STK3: variants seen among roughly 807,000 people sequenced by gnomAD.
STK3 encodes the protein serine/threonine kinase 3.
Under a neutral mutation model 58.0 loss-of-function variants are expected in STK3, and 41 were observed. The ratio of observed to expected loss-of-function variants is 0.71; its 90% CI spans 0.55 to 0.92. STK3 has a LOEUF of 0.92. Among genes scored for constraint, STK3 ranks in the 40% least tolerant of loss-of-function variants. STK3 has a pLI of 0.00. For synonymous variants in STK3, 170 were observed against 191.0 expected, an observed-to-expected ratio of 0.89 and a Z score of 0.91; for missense variants, 479 against 602.7, an observed-to-expected ratio of 0.79 and a Z score of 2.15.
Position 98,596,253 on chromosome 8 carries a change from C to T in STK3, c.685-84G>A, listed in dbSNP as rs146713666. On this transcript the variant is annotated intron_variant, in intron 6 of 10. Coordinates refer to ENST00000419617, the MANE Select transcript of STK3 (RefSeq NM_006281.4). ...CAAATCTCTTTATCTGTCTTTTTAT[C>T]AGACTCTAAATTTGAAAAACAAATT... The T allele has an allele frequency of 6.7e-4, 971 of 1,444,246 alleles. 5 individuals carry two copies. In the African/African-American group the frequency reaches 0.012, roughly 19 times the overall value. 89.5% of individuals were successfully genotyped at this position (1,444,246 alleles called of 1,614,324 possible).
At chr8:98,544,649 AACACACACACACACACAC>A (rs59159370) in intron 9 of STK3, among the ~76,000 whole-genome samples, 21 of 137,600 alleles carry the variant, frequency 1.5e-4, no homozygotes, top group South Asian at 1.0e-3. Context: ...ATTCTACTAT[AACACACACACACACACAC>A]ACACACACAC....
chr8:98,499,120 C>CT (rs1823376849), intron 10 of STK3, among the ~76,000 whole-genome samples: 1 of 152,076 alleles, frequency 6.6e-6, no homozygotes, highest in African/African-American at 2.4e-5. Context: ...AAAGATGCTA[C>CT]ACTGCTGGCT....
intron 10 of STK3, among the ~76,000 whole-genome samples, chr8:98,505,384 T>G (rs1479480651): frequency 2.0e-5 from 3 of 152,222 alleles, no homozygotes; most frequent in Non-Finnish European, 4.4e-5. Context: ...TTCTGAAGCC[T>G]ACTTCTGTCA....
At chr8:98,656,815 T>C (rs1000407253) in intron 6 of STK3, among the ~76,000 whole-genome samples, 9 of 152,140 alleles carry the variant, frequency 5.9e-5, no homozygotes, top group African/African-American at 2.2e-4. Context: ...TTCTGATTCA[T>C]TTGCTGTTTG....
At chr8:98,874,806 T>A (rs1400295755) in intron 3 of STK3, among the ~76,000 whole-genome samples, 1 of 151,274 alleles carries the variant, frequency 6.6e-6, no homozygotes, top group Non-Finnish European at 1.5e-5. Context: ...TTTTTTTTTT[T>A]AAAGATGGGG....
chr8:98,541,998 T>C (rs1810313320), intron 9 of STK3, among the ~76,000 whole-genome samples: 1 of 152,200 alleles, frequency 6.6e-6, no homozygotes, highest in South Asian at 2.1e-4. Flanking sequence ...GTCTATATAC[T>C]GGTTTCATCA....
chr8:98,569,181 CCAATCAAT>C (rs145488141), intron 8 of STK3, among the ~76,000 whole-genome samples: 1 of 151,496 alleles, frequency 6.6e-6, no homozygotes, highest in African/African-American at 2.4e-5. Context: ...AATTTTACAC[CCAATCAAT>C]CAATCAATCA....
At chr8:98,436,137 A>G (rs975804551) in intron 2 of STK3, among the ~76,000 whole-genome samples, 38 of 151,018 alleles carry the variant, frequency 2.5e-4, no homozygotes, top group Admixed American at 2.5e-3. Flanking sequence ...AGTCCTGGGA[A>G]CTCCCTCCTT....
chr8:98,620,897 A>G (rs1587053249), intron 6 of STK3, among the ~76,000 whole-genome samples: 1 of 150,484 alleles, frequency 6.6e-6, no homozygotes, highest in East Asian at 1.9e-4. Context: ...CCATGAATTC[A>G]TTGTTAATGT....
chr8:98,743,739 T>A (rs1162616894), intron 4 of STK3, among the ~76,000 whole-genome samples: 1 of 151,566 alleles, frequency 6.6e-6, no homozygotes, highest in Non-Finnish European at 1.5e-5. Flanking sequence ...ACAAATGGGA[T>A]CTAATTAAAC....
At chr8:98,841,725 A>C (rs961599541) in intron 3 of STK3, among the ~76,000 whole-genome samples, 1 of 151,330 alleles carries the variant, frequency 6.6e-6, no homozygotes, top group African/African-American at 2.4e-5. Flanking sequence ...AAAAATAAAA[A>C]TAAAAAGTTT....
intron 1 of STK3, among the ~76,000 whole-genome samples, chr8:98,899,554 G>A (rs1279131919): frequency 3.3e-5 from 5 of 152,072 alleles, no homozygotes; most frequent in African/African-American, 7.2e-5. Flanking sequence ...TTTAAAGTAT[G>A]GGAAGATATG....
chr8:98,733,242 A>G (rs550921274), intron 4 of STK3, among the ~76,000 whole-genome samples: 5 of 152,350 alleles, frequency 3.3e-5, no homozygotes, highest in African/African-American at 1.2e-4. Flanking sequence ...TTTGAAGCTT[A>G]TATTCAATAA....
chr8:98,809,571 T>A (rs1834093299), intron 1 of STK3, among the ~76,000 whole-genome samples: 1 of 152,250 alleles, frequency 6.6e-6, no homozygotes, highest in African/African-American at 2.4e-5. Context: ...TTGACTATTC[T>A]AGTGGAATCA....
intron 1 of STK3, chr8:98,905,415 C>T: frequency 7.8e-7 from 1 of 1,288,904 alleles, no homozygotes; most frequent in Non-Finnish European, 1.1e-6. Context: ...ACAAGTGGGA[C>T]TGATGTTACC....
chr8:98,491,573 T>C (rs1386295085), intron 10 of STK3, among the ~76,000 whole-genome samples: 1 of 152,128 alleles, frequency 6.6e-6, no homozygotes, highest in Non-Finnish European at 1.5e-5. Context: ...CCTGAGTAGC[T>C]GGAATTACAA....
chr8:98,408,710 C>T (rs923736716), intron 3 of STK3, among the ~76,000 whole-genome samples: 21 of 152,258 alleles, frequency 1.4e-4, no homozygotes, highest in Non-Finnish European at 1.5e-5. Context: ...AAGCCAGAGG[C>T]TGGCTGGCAG....
intron 3 of STK3, among the ~76,000 whole-genome samples, chr8:98,405,056 G>GA (rs1356292827): frequency 3.9e-5 from 6 of 152,070 alleles, no homozygotes; most frequent in Non-Finnish European, 7.4e-5. Context: ...CAGTTTGGGT[G>GA]AAAAAAAGGC....
At chr8:98,660,502 T>C (rs1162621607) in intron 6 of STK3, among the ~76,000 whole-genome samples, 2 of 152,020 alleles carry the variant, frequency 1.3e-5, no homozygotes, top group Non-Finnish European at 2.9e-5. Context: ...GGCAAAGAAA[T>C]GGTACATCTT....
Sources: gnomAD v4.1 joint callset for allele counts (sites outside exome capture counted in the v4.1 genomes callset) on GRCh38, gnomAD v4.1.1 for gene constraint, MANE v1.5 for transcripts, NCBI Gene and HGNC (gene_info 2026-07-23, HGNC 2026-07-21) for gene names.